UNC13C: variants seen among roughly 807,000 people sequenced by gnomAD.
UNC13C encodes protein unc-13 homolog C.
A neutral mutation model predicts 245.4 loss-of-function variants in UNC13C; 174 were observed. The ratio of observed to expected loss-of-function variants is 0.71; its 90% CI spans 0.63 to 0.80. The LOEUF is 0.80. Ranked by LOEUF, UNC13C falls within the 30% of genes least tolerant of loss-of-function variation. The pLI is 0.00. For synonymous variants in UNC13C, 992 were observed against 895.1 expected, an observed-to-expected ratio of 1.11 and a Z score of -1.93; for missense variants, 2,829 against 2,602.9, an observed-to-expected ratio of 1.09 and a Z score of -1.89.
At chr15:54,024,788 G>A (rs1271877863) in intron 2 of UNC13C, among the ~76,000 whole-genome samples, 2 of 152,068 alleles carry the variant, frequency 1.3e-5, no homozygotes, top group Admixed American at 1.3e-4. Flanking sequence ...GGTCCCGGGC[G>A]CCTGTAGACC....
downstream of UNC13C, chr15:54,629,874 G>A (rs1340374692): frequency 6.6e-6 from 1 of 152,076 alleles, no homozygotes; most frequent in Non-Finnish European, 1.5e-5. Flanking sequence ...ATAGTGGCAG[G>A]GTGAATTAAG....
At chr15:54,076,821 G>T (rs1487352119) in intron 2 of UNC13C, among the ~76,000 whole-genome samples, 1 of 152,176 alleles carries the variant, frequency 6.6e-6, no homozygotes, top group Admixed American at 6.5e-5. Context: ...GGGGAAAAAT[G>T]GACATAGCTG....
Position 54,399,098 on chromosome 15 carries a change from A to G in UNC13C, c.4847+5917A>G, listed in dbSNP as rs1262500312. ...TTGTGAAATAAATCAAAAGATCTTTATGACTAAATGCACTGAGTGGAGTGT... is the reference window on the plus strand; with the variant it reads ...TTGTGAAATAAATCAAAAGATCTTTGTGACTAAATGCACTGAGTGGAGTGT... On this transcript the variant is annotated intron_variant, in intron 18 of 32. Transcript: ENST00000260323. Among the ~76,000 whole-genome samples, 3 of 151,692 alleles carry G rather than the reference A, an allele frequency of 2.0e-5. No homozygotes were observed. In the East Asian group the frequency reaches 5.8e-4, roughly 29 times the overall value.
At chr15:53,893,384 GC>G in the UNC13C span, among the ~76,000 whole-genome samples, 1 of 152,212 alleles carries the variant, frequency 6.6e-6, no homozygotes, top group East Asian at 1.9e-4. Context: ...TGAATGCTGT[GC>G]TGGGAGGTTT....
chr15:54,508,020 C>T (rs962975537), intron 23 of UNC13C, among the ~76,000 whole-genome samples: 7 of 151,988 alleles, frequency 4.6e-5, no homozygotes, highest in Admixed American at 1.3e-4. Flanking sequence ...GCTGACAGCT[C>T]ATTAAGATAA....
At chr15:53,898,257 A>G in the UNC13C span, among the ~76,000 whole-genome samples, 5 of 152,098 alleles carry the variant, frequency 3.3e-5, no homozygotes, top group Admixed American at 6.6e-5. Context: ...AGTTGGGACT[A>G]TTCAATTATT....
At chr15:54,495,039 T>C (rs181206558) in intron 20 of UNC13C, among the ~76,000 whole-genome samples, 39 of 152,138 alleles carry the variant, frequency 2.6e-4, no homozygotes, top group African/African-American at 9.4e-4. Context: ...CAGATTTTTT[T>C]GGGGAAAGTA....
At chr15:54,022,757 G>A (rs1004884520) in intron 2 of UNC13C, among the ~76,000 whole-genome samples, 1 of 152,178 alleles carries the variant, frequency 6.6e-6, no homozygotes, top group Non-Finnish European at 1.5e-5. Flanking sequence ...TTACTTCGAT[G>A]TAATTCCATT....
intron 4 of UNC13C, among the ~76,000 whole-genome samples, chr15:54,229,258 C>A (rs949232611): frequency 6.6e-6 from 1 of 152,170 alleles, no homozygotes; most frequent in Admixed American, 6.5e-5. Context: ...AGTAATTATA[C>A]GGTGTCATTC....
intron 24 of UNC13C, chr15:54,512,216 G>A: frequency 2.4e-6 from 1 of 409,670 alleles, no homozygotes; most frequent in South Asian, 1.8e-5. Flanking sequence ...ATGCTTTGTG[G>A]TGCTATTGGT....
chr15:53,977,976 G>A (rs1309563636), upstream of UNC13C, among the ~76,000 whole-genome samples: 3 of 152,178 alleles, frequency 2.0e-5, no homozygotes, highest in South Asian at 6.2e-4. Flanking sequence ...AACCAACTGG[G>A]ATGGGATATC....
At chr15:53,889,947 C>T in the UNC13C span, among the ~76,000 whole-genome samples, 2 of 152,000 alleles carry the variant, frequency 1.3e-5, no homozygotes, top group African/African-American at 4.8e-5. Context: ...CTGATAGATT[C>T]GATTTGCCAG....
chr15:53,944,458 G>T, the UNC13C span, among the ~76,000 whole-genome samples: 1 of 151,918 alleles, frequency 6.6e-6, no homozygotes, highest in Non-Finnish European at 1.5e-5. Flanking sequence ...CCCCTCACAG[G>T]GTCCCTGTGT....
Position 54,014,547 on chromosome 15 carries a change from T to C in UNC13C, c.1644T>C (p.Arg548=). ...QSDFFTAKLS[R]SESDFSKLCQ... is the part of the protein sequence containing the mutation. Reference sequence around the variant, plus strand: ...ATTTTTTCACTGCTAAACTTAGTCGTTCTGAATCAGATTTTTCCAAATTGT... The same window carrying C: ...ATTTTTTCACTGCTAAACTTAGTCGCTCTGAATCAGATTTTTCCAAATTGT... Residue 548 remains arginine, a synonymous_variant, in exon 2 of 33, where the codon CGT becomes CGC. Transcript: ENST00000260323. The C allele has an allele frequency of 6.2e-7, 1 of 1,613,834 alleles. No homozygotes were observed. The highest frequency in any genetic ancestry group is 8.5e-7 in the Non-Finnish European group (1 of 1,179,844).
intron 24 of UNC13C, among the ~76,000 whole-genome samples, chr15:54,515,594 T>C (rs999827601): frequency 1.3e-5 from 2 of 152,176 alleles, no homozygotes; most frequent in Non-Finnish European, 2.9e-5. Flanking sequence ...ATTTTGAAAC[T>C]CTAAAGAACT....
chr15:53,873,385 T>C, the UNC13C span, among the ~76,000 whole-genome samples: 4 of 152,150 alleles, frequency 2.6e-5, no homozygotes, highest in African/African-American at 9.7e-5. Flanking sequence ...TATGCCTCTC[T>C]TGTTGCTCGC....
chr15:54,321,503 A>G, intron 13 of UNC13C: 1 of 478,604 alleles, frequency 2.1e-6, no homozygotes, highest in South Asian at 1.5e-5. Flanking sequence ...ATATGTGACA[A>G]ACCCAAAGCC....
chr15:54,594,980 A>G (rs555635445), intron 30 of UNC13C, among the ~76,000 whole-genome samples: 2 of 152,226 alleles, frequency 1.3e-5, no homozygotes, highest in African/African-American at 2.4e-5. Flanking sequence ...CTTTGTTCTT[A>G]GGGCAGATGG....
At chr15:54,535,178 T>C (rs555058096) in intron 26 of UNC13C, among the ~76,000 whole-genome samples, 42 of 151,904 alleles carry the variant, frequency 2.8e-4, no homozygotes, top group African/African-American at 9.2e-4. Context: ...TGGAGAAAAA[T>C]CTACCTAAAA....
Sources: gnomAD v4.1 joint callset for allele counts (sites outside exome capture counted in the v4.1 genomes callset) on GRCh38, gnomAD v4.1.1 for gene constraint, MANE v1.5 for transcripts, NCBI Gene and HGNC (gene_info 2026-07-23, HGNC 2026-07-21) for gene names.